The following NRL variants were observed in gnomAD, a reference collection of about 807,000 sequenced individuals.
The protein encoded by NRL is neural retina-specific leucine zipper protein.
NRL carries 16 observed loss-of-function variants against 12.5 expected under a neutral mutation model. The ratio of observed to expected loss-of-function variants is 1.28; its 90% CI spans 0.87 to 1.95. The LOEUF is 1.95. Ranked by LOEUF, NRL falls within the 30% of genes most tolerant of loss-of-function variation. The pLI, the probability that NRL is intolerant of heterozygous loss-of-function variation, is 0.00. For synonymous variants in NRL, 142 were observed against 150.9 expected (o/e 0.94, Z 0.43); for missense variants, 314 against 325.8 (o/e 0.96, Z 0.28).
At chr14:24,082,953 A>G in intron 1 of NRL, 78 bp from the exon 2 acceptor site, 1 of 1,402,908 alleles carries the variant, frequency 7.1e-7, no homozygotes, top group Non-Finnish European at 9.6e-7. Context: ...CTTCCCTCAA[A>G]GCCCAAGTGC....
chr14:24,087,857 G>A (rs1335105774), intron 1 of NRL, among the ~76,000 whole-genome samples: 2 of 152,070 alleles, frequency 1.3e-5, no homozygotes, highest in Admixed American at 6.5e-5. Context: ...TGGGTGGATC[G>A]CTTGAGCCCA....
chr14:24,106,822 G>A (rs1417943911), intron 1 of NRL, among the ~76,000 whole-genome samples: 1 of 151,998 alleles, frequency 6.6e-6, no homozygotes, highest in African/African-American at 2.4e-5. Context: ...ACTGAATACC[G>A]TCAAAAGCAA....
chr14:24,089,183 C>G (rs1459117993), intron 1 of NRL, among the ~76,000 whole-genome samples: 1 of 152,046 alleles, frequency 6.6e-6, no homozygotes, highest in African/African-American at 2.4e-5. Flanking sequence ...ATGATCCACC[C>G]GCCTCAGCCT....
chr14:24,101,993 A>C (rs909890082), intron 1 of NRL, among the ~76,000 whole-genome samples: 25 of 152,146 alleles, frequency 1.6e-4, no homozygotes, highest in African/African-American at 5.8e-4. Flanking sequence ...TGGGAGGCCA[A>C]GGTGGGCAGA....
chr14:24,103,043 CT>C, intron 1 of NRL: 1 of 1,194,882 alleles, frequency 8.4e-7, no homozygotes, highest in Middle Eastern at 1.9e-4. Flanking sequence ...GGCAAAGGGT[CT>C]GAAAATGGGA....
intron 1 of NRL, among the ~76,000 whole-genome samples, chr14:24,108,917 G>A (rs1191134089): frequency 6.6e-6 from 1 of 152,204 alleles, no homozygotes; most frequent in Non-Finnish European, 1.5e-5. Context: ...GGGAGCTGCA[G>A]TAGAGGAGAG....
intron 1 of NRL, among the ~76,000 whole-genome samples, chr14:24,104,613 T>G (rs2037298609): frequency 6.9e-6 from 1 of 145,374 alleles, no homozygotes; most frequent in Non-Finnish European, 1.5e-5. Flanking sequence ...CACACTCCAG[T>G]CTGGGCAACA....
chr14:24,095,951 G>A (rs1341043429), intron 1 of NRL, among the ~76,000 whole-genome samples: 1 of 152,168 alleles, frequency 6.6e-6, no homozygotes, highest in Non-Finnish European at 1.5e-5. Flanking sequence ...GCAGATCAGG[G>A]CCTGGAAGCC....
rs558646308 is a variant in NRL at position 24,111,269 on chromosome 14, G to A, written c.-28+3453C>T. The stretch of plus-strand genomic sequence containing the variant: ...GCTGGAATTACAGTCGTAAGCCACC[G>A]TGCCCAGCTCACTTGTGCGTTAAGC... On this transcript the variant is annotated intron_variant, in intron 1 of 2. Transcript: ENST00000561028. 3.3e-5 allele frequency among the ~76,000 whole-genome samples: 5 copies of A among 152,252 alleles called. No homozygotes were observed. In the East Asian group the frequency reaches 5.8e-4, roughly 18 times the overall value.
intron 1 of NRL, chr14:24,110,150 AT>A: frequency 6.5e-6 from 1 of 154,544 alleles, no homozygotes; most frequent in Middle Eastern, 3.3e-3. Context: ...ACGGGGTCTC[AT>A]TCTCGCCCAG....
intron 2 of NRL, 84 bp downstream of exon 2, chr14:24,082,384 C>A: frequency 6.4e-7 from 1 of 1,559,832 alleles, no homozygotes; most frequent in South Asian, 1.1e-5. Flanking sequence ...AGTCCATAAC[C>A]CCCTCTGGGA....
At chr14:24,102,600 G>A (rs1594309187) in intron 1 of NRL, 1 of 639,166 alleles carries the variant, frequency 1.6e-6, no homozygotes, top group Non-Finnish European at 2.7e-6. Context: ...AGATGCCCTG[G>A]CTCCCCTCTC....
At chr14:24,097,216 T>C in intron 1 of NRL, 6 of 1,302,506 alleles carry the variant, frequency 4.6e-6, no homozygotes, top group Non-Finnish European at 6.6e-6. Context: ...TCAACTTAAC[T>C]AGAACATCCC....
intron 1 of NRL, among the ~76,000 whole-genome samples, chr14:24,113,381 A>T (rs969820185): frequency 2.1e-4 from 32 of 151,970 alleles, no homozygotes; most frequent in South Asian, 1.2e-3. Flanking sequence ...AGTATAATAA[A>T]AAAAAAAAAT....
chr14:24,102,097 G>C (rs2037184275), intron 1 of NRL, among the ~76,000 whole-genome samples: 1 of 151,880 alleles, frequency 6.6e-6, no homozygotes, highest in Admixed American at 6.6e-5. Flanking sequence ...GCATGGTGGT[G>C]GGTGCCTGTA....
At chr14:24,091,005 CAG>C (rs2036612724) in intron 1 of NRL, among the ~76,000 whole-genome samples, 1 of 152,144 alleles carries the variant, frequency 6.6e-6, no homozygotes, top group Non-Finnish European at 1.5e-5. Flanking sequence ...GTGAGGATTA[CAG>C]AGATATAAAA....
intron 1 of NRL, chr14:24,110,267 T>C: frequency 3.2e-6 from 1 of 308,186 alleles, no homozygotes; most frequent in South Asian, 2.2e-5. Context: ...CAGGCCCAGC[T>C]CAATTTTGTT....
At position 24,080,859 on chromosome 14, in the gene NRL, G is replaced by A; in HGVS notation, c.*377C>T. 1 of 199,854 alleles carries A rather than the reference G, an allele frequency of 5.0e-6. No homozygotes were observed. Among genetic ancestry groups the A allele is most frequent in the Admixed American group, 6.0e-5 (1 of 16,594 alleles). 12.4% of individuals were successfully genotyped at this position (199,854 alleles called of 1,614,324 possible). ...CCTCATTGCTAATTACAGCTTTAAT[G>A]TGTTACAGGTTGAAAACCCTGAATT... is the stretch of plus-strand genomic sequence containing the variant. On this transcript the variant is annotated 3_prime_UTR_variant, in exon 3 of 3. Transcript: ENST00000561028.
chr14:24,105,783 T>A (rs994798884), intron 1 of NRL, among the ~76,000 whole-genome samples: 1 of 152,236 alleles, frequency 6.6e-6, no homozygotes, highest in African/African-American at 2.4e-5. Context: ...CTGGGCATGA[T>A]GGCAGGTGCC....
Sources: gnomAD v4.1 joint callset for allele counts (sites outside exome capture counted in the v4.1 genomes callset) on GRCh38, gnomAD v4.1.1 for gene constraint, MANE v1.5 for transcripts, NCBI Gene and HGNC (gene_info 2026-07-23, HGNC 2026-07-21) for gene names.